The following WWOX variants were observed in gnomAD, a reference collection of about 807,000 sequenced individuals.
WWOX encodes WW domain-containing oxidoreductase.
A neutral mutation model predicts 46.2 loss-of-function variants in WWOX; 69 were observed. That is an observed-to-expected ratio of 1.49 (90% CI 1.23 to 1.82). The LOEUF is 1.82. WWOX is among the 40% of genes most tolerant of loss of function. The pLI is 0.00. For synonymous variants in WWOX, 359 were observed against 202.6 expected, an observed-to-expected ratio of 1.77 and a Z score of -6.56; for missense variants, 919 against 542.6, an observed-to-expected ratio of 1.69 and a Z score of -6.89.
In WWOX at chr16:78,409,331, A is replaced by G. The variant is rs144250455; in HGVS notation, c.606-15539A>G. Among the ~76,000 whole-genome samples the G allele has an allele frequency of 8.7e-4, 132 of 152,274 alleles. 2 individuals carry two copies. The highest frequency in any genetic ancestry group is 3.4e-3 in the Middle Eastern group (1 of 294). ...CACTGTCAAGATACAGAACAGTGCC[A>G]TCACCCCCCAAATGTCCTCTGTGCC... On this transcript the variant is annotated intron_variant, in intron 6 of 8. Coordinates refer to ENST00000566780, the MANE Select transcript of WWOX (RefSeq NM_016373.4).
At chr16:78,879,546 T>C (rs1255206179) in intron 8 of WWOX, among the ~76,000 whole-genome samples, 2 of 151,986 alleles carry the variant, frequency 1.3e-5, no homozygotes, top group Non-Finnish European at 2.9e-5. Context: ...GACCACCAAA[T>C]CTGATTTCCA....
intron 5 of WWOX, among the ~76,000 whole-genome samples, chr16:78,245,021 T>G (rs535306935): frequency 2.6e-5 from 4 of 152,238 alleles, no homozygotes; most frequent in Non-Finnish European, 5.9e-5. Context: ...TTTATTTTGT[T>G]TTGTTACAAT....
Position 78,261,744 on chromosome 16 carries a change from G to T in WWOX, c.516+97455G>T, listed in dbSNP as rs8052973. 1.5e-3 allele frequency among the ~76,000 whole-genome samples: 218 copies of T among 142,512 alleles called. 6 individuals are homozygous for T. The highest frequency in any genetic ancestry group is 5.6e-3 in the African/African-American group (210 of 37,712). The allele number at this position is 142,512 out of a possible 152,430, so 93.5% of individuals were successfully genotyped here. On this transcript the variant is annotated intron_variant, in intron 5 of 8. Coordinates refer to ENST00000566780, the MANE Select transcript of WWOX (RefSeq NM_016373.4). Reference sequence around the variant, plus strand: ...ATGTGGGCCCATTTGCCATGTGTGTGTGTGTGTCTGTCTATCTATCTATCT... The same window carrying T: ...ATGTGGGCCCATTTGCCATGTGTGTTTGTGTGTCTGTCTATCTATCTATCT...
chr16:78,539,830 T>G (rs765945377), intron 8 of WWOX, among the ~76,000 whole-genome samples: 10 of 152,182 alleles, frequency 6.6e-5, no homozygotes, highest in African/African-American at 7.2e-5. Flanking sequence ...AATGCGTTCA[T>G]TTTCTTTATC....
intron 8 of WWOX, among the ~76,000 whole-genome samples, chr16:78,464,132 A>G (rs1318810010): frequency 1.3e-5 from 2 of 152,128 alleles, no homozygotes; most frequent in Admixed American, 6.6e-5. Flanking sequence ...GAGATGTGGC[A>G]TGAGGAACAC....
chr16:78,472,704 G>A (rs1369530423), intron 8 of WWOX, among the ~76,000 whole-genome samples: 1 of 150,896 alleles, frequency 6.6e-6, no homozygotes, highest in African/African-American at 2.4e-5. Flanking sequence ...AGCTACTTGG[G>A]AGGCTGAGGC....
intron 5 of WWOX, among the ~76,000 whole-genome samples, chr16:78,367,487 T>G (rs888743761): frequency 6.6e-6 from 1 of 152,194 alleles, no homozygotes; most frequent in Admixed American, 6.5e-5. Context: ...GATAATTCTT[T>G]GTCCAGTGTC....
At chr16:78,889,460 A>G (rs1432366275) in intron 8 of WWOX, among the ~76,000 whole-genome samples, 1 of 150,252 alleles carries the variant, frequency 6.7e-6, no homozygotes, top group Non-Finnish European at 1.5e-5. Flanking sequence ...TCTCAGAGTG[A>G]TCATTCTTGC....
intron 8 of WWOX, among the ~76,000 whole-genome samples, chr16:78,876,676 C>T (rs1034697525): frequency 1.3e-4 from 20 of 152,134 alleles, no homozygotes; most frequent in African/African-American, 4.6e-4. Flanking sequence ...AAAGATTTGC[C>T]ATTCTCAGAA....
In WWOX at chr16:78,434,256, G is replaced by A. The variant is rs78168820; in HGVS notation, c.1056+1504G>A. On this transcript the variant is annotated intron_variant, in intron 8 of 8. Transcript: ENST00000566780. Reference sequence around the variant, plus strand: ...GTGGCAGTGAAGTGAAAGGACCTACGGAGAATGGTGTTCCATGCCGCAGGG... The same window carrying A: ...GTGGCAGTGAAGTGAAAGGACCTACAGAGAATGGTGTTCCATGCCGCAGGG... 8.6e-3 allele frequency among the ~76,000 whole-genome samples: 1,303 copies of A among 152,230 alleles called. 18 individuals are homozygous for A. Among genetic ancestry groups the A allele is most frequent in the African/African-American group, 0.03 (1,234 of 41,550 alleles).
intron 8 of WWOX, among the ~76,000 whole-genome samples, chr16:79,128,917 G>A (rs1322939303): frequency 6.6e-6 from 1 of 152,132 alleles, no homozygotes; most frequent in Non-Finnish European, 1.5e-5. Flanking sequence ...CCCGCACAAA[G>A]GTGCCATTGT....
chr16:79,146,093 G>A (rs570168795), intron 8 of WWOX, among the ~76,000 whole-genome samples: 52 of 152,258 alleles, frequency 3.4e-4, no homozygotes, highest in African/African-American at 1.1e-3. Context: ...AAAGTAACAT[G>A]CTGTGTTTTA....
chr16:78,844,286 C>G (rs980114296), intron 8 of WWOX, among the ~76,000 whole-genome samples: 1 of 152,118 alleles, frequency 6.6e-6, no homozygotes, highest in Non-Finnish European at 1.5e-5. Context: ...TACTGACAGC[C>G]TAAGTGATAT....
At chr16:78,617,238 T>C (rs946321149) in intron 8 of WWOX, among the ~76,000 whole-genome samples, 3 of 151,758 alleles carry the variant, frequency 2.0e-5, no homozygotes, top group Non-Finnish European at 4.4e-5. Context: ...ACGGTGAAAC[T>C]AAGAATAGAA....
At chr16:78,304,341 A>T (rs1436592634) in intron 5 of WWOX, among the ~76,000 whole-genome samples, 1 of 152,218 alleles carries the variant, frequency 6.6e-6, no homozygotes, top group Non-Finnish European at 1.5e-5. Context: ...ACATTGTTCA[A>T]CATTCAAACG....
intron 8 of WWOX, among the ~76,000 whole-genome samples, chr16:78,813,279 A>C (rs1997589): frequency 0.31 from 46,353 of 151,728 alleles, 7,544 homozygotes; most frequent in East Asian, 0.43. Flanking sequence ...TTTTCCCCTT[A>C]ATTTCCTTTT....
intron 8 of WWOX, among the ~76,000 whole-genome samples, chr16:78,729,629 C>T (rs1481603361): frequency 1.3e-5 from 2 of 152,140 alleles, no homozygotes; most frequent in Non-Finnish European, 2.9e-5. Flanking sequence ...GGAGGAAGCA[C>T]AGTCCTGCTA....
At chr16:78,633,560 G>C (rs1256474374) in intron 8 of WWOX, among the ~76,000 whole-genome samples, 1 of 152,216 alleles carries the variant, frequency 6.6e-6, no homozygotes, top group African/African-American at 2.4e-5. Context: ...CACTGTGCGG[G>C]TTTCTGATGA....
At chr16:78,564,629 C>G (rs547197870) in intron 8 of WWOX, among the ~76,000 whole-genome samples, 26 of 152,204 alleles carry the variant, frequency 1.7e-4, no homozygotes, top group Admixed American at 3.9e-4. Flanking sequence ...AAATCTGAAC[C>G]TCATATCTGA....
Sources: allele counts gnomAD v4.1 joint callset (sites outside exome capture counted in the v4.1 genomes callset), GRCh38; gene constraint gnomAD v4.1.1; transcripts MANE v1.5; gene names NCBI Gene and HGNC (gene_info 2026-07-23, HGNC 2026-07-21).